The following MNAT1 variants were observed in gnomAD, a reference collection of about 807,000 sequenced individuals.
MNAT1 encodes the protein CDK-activating kinase assembly factor MAT1.
A neutral mutation model predicts 42.0 loss-of-function variants in MNAT1; 43 were observed. That is an observed-to-expected ratio of 1.02 (90% CI 0.80 to 1.32). The LOEUF (loss-of-function observed/expected upper bound fraction) is 1.32. MNAT1 is among the 40% of genes most tolerant of loss of function. The probability of loss-of-function intolerance (pLI) is 0.00; values close to 1 mark genes in which losing one functional copy is unlikely to be tolerated. For synonymous variants in MNAT1, 118 were observed against 120.0 expected (o/e 0.98, Z 0.11); for missense variants, 306 against 350.4 (o/e 0.87, Z 1.01).
At chr14:60,891,313 T>G (rs1329108376) in intron 7 of MNAT1, among the ~76,000 whole-genome samples, 1 of 152,118 alleles carries the variant, frequency 6.6e-6, no homozygotes, top group African/African-American at 2.4e-5. Context: ...TTTCTCTTTT[T>G]TCTATTCTCT....
chr14:60,909,681 A>G (rs1437012281), intron 7 of MNAT1, among the ~76,000 whole-genome samples: 3 of 152,072 alleles, frequency 2.0e-5, no homozygotes, highest in Admixed American at 6.6e-5. Context: ...CCATTGGTCT[A>G]TATGTCTGTT....
intron 1 of MNAT1, among the ~76,000 whole-genome samples, chr14:60,794,654 A>ATAT (rs1398398059): frequency 1.1e-4 from 10 of 94,546 alleles, no homozygotes; most frequent in South Asian, 6.2e-4. Flanking sequence ...AAAAAAAAAA[A>ATAT]AAAAAAATAT....
chr14:60,937,575 T>C (rs944058376), intron 7 of MNAT1, among the ~76,000 whole-genome samples: 13 of 152,178 alleles, frequency 8.5e-5, no homozygotes, highest in African/African-American at 2.9e-4. Context: ...CTCTGTTCTG[T>C]TCCATTGGTC....
Position 60,780,350 on chromosome 14 carries a change from C to T in MNAT1, c.90-15867C>T, listed in dbSNP as rs2031413335. ...CAGAGAAAAGTCTCAGAAAGCTATT[C>T]AGGATGAAATCCGTTCAGTCATCAG... On this transcript the variant is annotated intron_variant, in intron 1 of 7. Coordinates refer to ENST00000261245, the MANE Select transcript of MNAT1 (RefSeq NM_002431.4). The T allele has an allele frequency of 1.2e-5, 19 of 1,574,384 alleles. No homozygotes were observed. The South Asian group carries it at 1.9e-4, about 16-fold the overall frequency.
At chr14:60,744,840 C>A (rs750051416) in intron 1 of MNAT1, among the ~76,000 whole-genome samples, 56 of 152,154 alleles carry the variant, frequency 3.7e-4, no homozygotes, top group Non-Finnish European at 6.8e-4. Flanking sequence ...AGCTGGATAT[C>A]TGAGATGTTA....
chr14:60,795,499 A>T (rs1349242716), intron 1 of MNAT1, among the ~76,000 whole-genome samples: 1 of 152,226 alleles, frequency 6.6e-6, no homozygotes, highest in Non-Finnish European at 1.5e-5. Context: ...TTGCACTACC[A>T]GAAAAGGGGA....
At chr14:60,935,722 G>C (rs1413410130) in intron 7 of MNAT1, among the ~76,000 whole-genome samples, 1 of 152,158 alleles carries the variant, frequency 6.6e-6, no homozygotes, top group African/African-American at 2.4e-5. Context: ...AAATCAGAAA[G>C]CAATAGATTC....
At chr14:60,913,468 T>G (rs1713999100) in intron 7 of MNAT1, among the ~76,000 whole-genome samples, 1 of 152,182 alleles carries the variant, frequency 6.6e-6, no homozygotes, top group African/African-American at 2.4e-5. Flanking sequence ...TTATCTACCT[T>G]GGGTCTTTGA....
At chr14:60,947,195 A>C (rs1336926951) in intron 7 of MNAT1, among the ~76,000 whole-genome samples, 1 of 152,148 alleles carries the variant, frequency 6.6e-6, no homozygotes, top group Non-Finnish European at 1.5e-5. Context: ...AAAGGAACAC[A>C]GCTGTTTTTT....
intron 5 of MNAT1, 47 bp from the exon 6 acceptor site, chr14:60,818,675 A>T (rs745492639): frequency 6.8e-7 from 1 of 1,478,440 alleles, no homozygotes; most frequent in Non-Finnish European, 9.1e-7. Flanking sequence ...TGTTGTTTTT[A>T]GTTTTCCCTT....
At chr14:60,922,974 G>C (rs1051191476) in intron 7 of MNAT1, among the ~76,000 whole-genome samples, 2 of 152,146 alleles carry the variant, frequency 1.3e-5, no homozygotes, top group Non-Finnish European at 2.9e-5. Flanking sequence ...GTAAGTATCT[G>C]TTATTTTGTT....
At chr14:60,912,093 C>T (rs369505647) in intron 7 of MNAT1, among the ~76,000 whole-genome samples, 2 of 151,720 alleles carry the variant, frequency 1.3e-5, no homozygotes, top group South Asian at 2.1e-4. Flanking sequence ...CTTTGTCTCT[C>T]TTGATCTTTG....
chr14:60,882,990 T>C (rs1278417183), intron 7 of MNAT1, among the ~76,000 whole-genome samples: 2 of 152,210 alleles, frequency 1.3e-5, no homozygotes, highest in Non-Finnish European at 2.9e-5. Flanking sequence ...AATAATGCCT[T>C]GTCAGATGGG....
intron 1 of MNAT1, among the ~76,000 whole-genome samples, chr14:60,741,072 A>G (rs1045679582): frequency 4.6e-5 from 7 of 152,296 alleles, no homozygotes; most frequent in African/African-American, 1.4e-4. Context: ...CCTTCCTAAT[A>G]CATTTCTCCT....
intron 1 of MNAT1, among the ~76,000 whole-genome samples, chr14:60,773,200 G>A (rs1237602524): frequency 2.0e-5 from 3 of 152,146 alleles, no homozygotes; most frequent in Admixed American, 6.5e-5. Flanking sequence ...GCCTCCCAAA[G>A]TGTTGGGATT....
intron 6 of MNAT1, among the ~76,000 whole-genome samples, chr14:60,824,800 C>T (rs2033002978): frequency 6.6e-6 from 1 of 152,000 alleles, no homozygotes; most frequent in African/African-American, 2.4e-5. Context: ...ATAATGTTAC[C>T]ATTAATGTTT....
At chr14:60,955,217 C>T (rs2036462930) in intron 7 of MNAT1, among the ~76,000 whole-genome samples, 1 of 151,970 alleles carries the variant, frequency 6.6e-6, no homozygotes, top group Non-Finnish European at 1.5e-5. Flanking sequence ...TAATGCAGGC[C>T]TCATAAAATA....
chr14:60,937,950 C>T (rs1380947472), intron 7 of MNAT1, among the ~76,000 whole-genome samples: 3 of 152,076 alleles, frequency 2.0e-5, no homozygotes. Flanking sequence ...CTTCACATCC[C>T]TTGTAGGTTG....
intron 7 of MNAT1, among the ~76,000 whole-genome samples, chr14:60,883,827 TATTGTAA>T (rs1478484782): frequency 6.6e-6 from 1 of 152,102 alleles, no homozygotes; most frequent in Non-Finnish European, 1.5e-5. Flanking sequence ...TTATTCTAGC[TATTGTAA>T]ATGGGATTAC....
Sources: allele counts gnomAD v4.1 joint callset (sites outside exome capture counted in the v4.1 genomes callset), GRCh38; gene constraint gnomAD v4.1.1; transcripts MANE v1.5; gene names NCBI Gene and HGNC (gene_info 2026-07-23, HGNC 2026-07-21).